The following DHX36 variants were observed in gnomAD, a reference collection of about 807,000 sequenced individuals.
DHX36 encodes ATP-dependent DNA/RNA helicase DHX36.
A neutral mutation model predicts 139.0 loss-of-function variants in DHX36; 50 were observed. The ratio of observed to expected loss-of-function variants is 0.36; its 90% CI spans 0.29 to 0.46. The LOEUF is 0.46. Among genes scored for constraint, DHX36 ranks in the 20% least tolerant of loss-of-function variants. The pLI, the probability that DHX36 is intolerant of heterozygous loss-of-function variation, is 1.00. For missense variants in DHX36, 1,024 were observed against 1,211.3 expected (o/e 0.85, Z 2.29); for synonymous variants, 425 against 401.9 (o/e 1.06, Z -0.69).
chr3:154,301,151 A>C (rs1300887808), intron 9 of DHX36, 24 bp from the exon 10 acceptor site: 1 of 1,560,314 alleles, frequency 6.4e-7, no homozygotes, highest in African/African-American at 1.4e-5. Context: ...ATTCTTGAAT[A>C]TCTTCACTTT....
chr3:154,320,242 C>G (rs1315666419), intron 1 of DHX36, among the ~76,000 whole-genome samples: 2 of 152,168 alleles, frequency 1.3e-5, no homozygotes, highest in Non-Finnish European at 2.9e-5. Context: ...TTGTAACCTT[C>G]TTTTCCTCAG....
Position 154,273,785 on chromosome 3 carries a change from C to T in DHX36, c.*2386G>A, listed in dbSNP as rs1285430319. 2.0e-5 allele frequency: 3 copies of T among 152,178 alleles called. No homozygotes were observed. Among genetic ancestry groups the T allele is most frequent in the African/African-American group, 7.2e-5 (3 of 41,450 alleles). 9.4% of individuals were successfully genotyped at this position (152,178 alleles called of 1,614,324 possible). ...AATACATCCCAGTCATTGTATGATA[C>T]TATTAACTCTTTCGGTTTCCTTGCA... On this transcript the variant is annotated 3_prime_UTR_variant, in exon 25 of 25. Transcript: ENST00000496811.
intron 15 of DHX36, 90 bp downstream of exon 15, chr3:154,292,459 CTT>C: frequency 6.6e-7 from 1 of 1,521,666 alleles, no homozygotes; most frequent in South Asian, 1.2e-5. Flanking sequence ...AAAGGTAACT[CTT>C]TTAATAAATA....
chr3:154,315,949 A>C, intron 2 of DHX36, 90 bp downstream of exon 2: 1 of 1,434,614 alleles, frequency 7.0e-7, no homozygotes, highest in Non-Finnish European at 9.3e-7. Context: ...TAAAGGTTAA[A>C]ATTCACTTAT....
At chr3:154,316,273 T>C (rs1712977808) in intron 1 of DHX36, 110 bp from the exon 2 acceptor site, 2 of 1,403,092 alleles carry the variant, frequency 1.4e-6, no homozygotes, top group South Asian at 1.3e-5. Context: ...AACAAATACA[T>C]ATAAAAGAAA....
At chr3:154,303,970 C>T (rs1271808753) in intron 8 of DHX36, among the ~76,000 whole-genome samples, 2 of 152,144 alleles carry the variant, frequency 1.3e-5, no homozygotes, top group Admixed American at 1.3e-4. Context: ...GCAAACATCA[C>T]ATCAGAGGTC....
chr3:154,276,649 G>C (rs1410592339), intron 24 of DHX36, 98 bp downstream of exon 24: 4 of 1,310,684 alleles, frequency 3.1e-6, no homozygotes, highest in South Asian at 2.6e-5. Flanking sequence ...TGCTGAAATA[G>C]AGCAAGAAAT....
chr3:154,292,432 A>T, intron 15 of DHX36, 119 bp downstream of exon 15: 1 of 1,378,278 alleles, frequency 7.3e-7, no homozygotes, highest in Non-Finnish European at 1.0e-6. Context: ...GTTTTGCAAT[A>T]AGCTCAAAAT....
intron 5 of DHX36, among the ~76,000 whole-genome samples, chr3:154,309,068 G>A (rs745511328): frequency 6.6e-6 from 1 of 151,978 alleles, no homozygotes; most frequent in Non-Finnish European, 1.5e-5. Flanking sequence ...CATGCCTATA[G>A]TACCACCTAC....
intron 1 of DHX36, chr3:154,319,110 T>C (rs1401100250): frequency 6.6e-6 from 1 of 152,202 alleles, no homozygotes; most frequent in Admixed American, 6.5e-5. Flanking sequence ...CTTGCCTTTT[T>C]GTAGGATGCC....
intron 12 of DHX36, among the ~76,000 whole-genome samples, chr3:154,298,212 T>C (rs1559952226): frequency 1.3e-5 from 2 of 152,202 alleles, no homozygotes; most frequent in African/African-American, 4.8e-5. Flanking sequence ...CCACTCTCCA[T>C]CACATACACT....
rs35550732 is a variant in DHX36, at chr3:154,275,978, G to GTATATA, written c.*187_*192dup. 2.0e-4 allele frequency: 62 copies of GTATATA among 311,380 alleles called. No individual in the cohort carries two copies. Among genetic ancestry groups the GTATATA allele is most frequent in the African/African-American group, 1.1e-3 (50 of 44,310 alleles). The allele number at this position is 311,380 out of a possible 1,614,324, so 19.3% of individuals were successfully genotyped here. On this transcript the variant is annotated 3_prime_UTR_variant, in exon 25 of 25. Transcript: ENST00000496811. ...GATCAGAGAACATATTGCTTTTATGGTATATATATATATATATATATATCT... is the reference window on the plus strand; with the variant it reads ...GATCAGAGAACATATTGCTTTTATGGTATATATATATATATATATATATATATATCT...
At chr3:154,297,106 A>T (rs1197544618) in intron 12 of DHX36, among the ~76,000 whole-genome samples, 3 of 152,210 alleles carry the variant, frequency 2.0e-5, no homozygotes, top group Non-Finnish European at 4.4e-5. Context: ...TTACATTACC[A>T]TGAGGAAAAG....
In DHX36 at chr3:154,311,651, C is replaced by G; in HGVS notation, c.627G>C (p.Ser209=). 6.3e-7 allele frequency: 1 copy of G among 1,597,160 alleles called. No homozygotes were observed. The highest frequency in any genetic ancestry group is 8.5e-7 in the Non-Finnish European group (1 of 1,174,944). ...AGCACTTTACCTTTTGCATTCCATA[C>G]GAAGGCAGCTTTTCTCTGAAATGCT... ...EMQHFREKLP[S]YGMQKELVNL... Residue 209 remains serine, a synonymous_variant, in exon 4 of 25, where the codon TCG becomes TCC. Transcript: ENST00000496811.
At chr3:154,300,184 C>T (rs960558652) in intron 11 of DHX36, among the ~76,000 whole-genome samples, 44 of 152,132 alleles carry the variant, frequency 2.9e-4, no homozygotes, top group African/African-American at 1.0e-3. Context: ...TTCTCATGCT[C>T]GGCCTCCCAA....
chr3:154,290,615 C>G (rs183453076), intron 15 of DHX36, among the ~76,000 whole-genome samples: 27 of 115,172 alleles, frequency 2.3e-4, no homozygotes, highest in Non-Finnish European at 4.0e-4. Flanking sequence ...AGTCTGGTGA[C>G]ACAGCGAGAC....
chr3:154,322,932 GT>G (rs1001143931), intron 1 of DHX36, among the ~76,000 whole-genome samples: 4 of 152,166 alleles, frequency 2.6e-5, no homozygotes, highest in African/African-American at 9.7e-5. Flanking sequence ...AAATGGATTT[GT>G]TTTTTAAAGA....
chr3:154,321,926 CAAA>C (rs36004138), intron 1 of DHX36, among the ~76,000 whole-genome samples: 3 of 111,902 alleles, frequency 2.7e-5, no homozygotes, highest in Non-Finnish European at 1.9e-5. Flanking sequence ...GACTCCAACT[CAAA>C]AAAAAAAAAA....
intron 1 of DHX36, among the ~76,000 whole-genome samples, chr3:154,317,556 C>A (rs1369864915): frequency 6.6e-6 from 1 of 151,914 alleles, no homozygotes; most frequent in African/African-American, 2.4e-5. Flanking sequence ...AGACTAGGAG[C>A]ACACAGTGAG....
Sources: gnomAD v4.1 joint callset for allele counts (sites outside exome capture counted in the v4.1 genomes callset) on GRCh38, gnomAD v4.1.1 for gene constraint, MANE v1.5 for transcripts, NCBI Gene and HGNC (gene_info 2026-07-23, HGNC 2026-07-21) for gene names.